COX7B2: variants seen among roughly 807,000 people sequenced by gnomAD.
The protein encoded by COX7B2 is cytochrome c oxidase subunit 7B2, mitochondrial.
For synonymous variants in COX7B2, 37 were observed against 32.1 expected (o/e 1.15, Z -0.51); for missense variants, 109 against 95.9 (o/e 1.14, Z -0.57).
chr4:46,808,170 CTATT>C (rs1719100852), intron 2 of COX7B2, among the ~76,000 whole-genome samples: 1 of 151,762 alleles, frequency 6.6e-6, no homozygotes, highest in Non-Finnish European at 1.5e-5. Flanking sequence ...AGGTACATTT[CTATT>C]TATTTGTGTC....
chr4:46,757,956 G>A (rs1355115934), intron 2 of COX7B2, among the ~76,000 whole-genome samples: 1 of 152,114 alleles, frequency 6.6e-6, no homozygotes, highest in African/African-American at 2.4e-5. Context: ...GTCAGCAGGA[G>A]AGCATAATGC....
Position 46,882,578 on chromosome 4 carries a change from T to G in COX7B2, c.-105+26582A>C, listed in dbSNP as rs116468569. Among the ~76,000 whole-genome samples the G allele has an allele frequency of 5.0e-3, 767 of 152,294 alleles. 3 individuals are homozygous for G. The highest frequency in any genetic ancestry group is 0.017 in the African/African-American group (713 of 41,568). On this transcript the variant is annotated intron_variant, in intron 1 of 2. Coordinates refer to ENST00000355591, the MANE Select transcript of COX7B2 (RefSeq NM_130902.3). Reference sequence around the variant, plus strand: ...TCTTTGTCTTTTTTATTTTGGTTGGTTTGAAATCTGGTTTGTCCAAAGTTA... The same window carrying G: ...TCTTTGTCTTTTTTATTTTGGTTGGGTTGAAATCTGGTTTGTCCAAAGTTA...
At chr4:46,782,546 G>A (rs535072947) in intron 2 of COX7B2, among the ~76,000 whole-genome samples, 8 of 152,266 alleles carry the variant, frequency 5.3e-5, no homozygotes, top group African/African-American at 1.7e-4. Flanking sequence ...AATAAAAGCA[G>A]GCTGCCCAAG....
chr4:46,835,839 TACTAC>T (rs1043869709), intron 2 of COX7B2, among the ~76,000 whole-genome samples: 19 of 152,296 alleles, frequency 1.2e-4, no homozygotes, highest in African/African-American at 4.6e-4. Context: ...TCATACAGCC[TACTAC>T]ACATCTAGGC....
chr4:46,755,328 A>G (rs1013220624), intron 2 of COX7B2, among the ~76,000 whole-genome samples: 1 of 152,100 alleles, frequency 6.6e-6, no homozygotes, highest in Admixed American at 6.6e-5. Flanking sequence ...ACTCACAGCC[A>G]ACATCATGCT....
intron 2 of COX7B2, among the ~76,000 whole-genome samples, chr4:46,842,626 C>T (rs1716009086): frequency 6.6e-6 from 1 of 151,804 alleles, no homozygotes; most frequent in Non-Finnish European, 1.5e-5. Flanking sequence ...TATTCAATTC[C>T]CACCTATGAG....
intron 1 of COX7B2, among the ~76,000 whole-genome samples, chr4:46,862,213 T>C (rs1211281997): frequency 6.6e-6 from 1 of 152,214 alleles, no homozygotes; most frequent in African/African-American, 2.4e-5. Context: ...AAAACTGTAA[T>C]AAAAACTACT....
chr4:46,785,210 A>G (rs1050133643), intron 2 of COX7B2, among the ~76,000 whole-genome samples: 4 of 152,184 alleles, frequency 2.6e-5, no homozygotes, highest in African/African-American at 9.7e-5. Context: ...CTACTCTCAC[A>G]TGAATATTGA....
At chr4:46,823,939 A>G (rs1714492122) in intron 2 of COX7B2, among the ~76,000 whole-genome samples, 1 of 152,032 alleles carries the variant, frequency 6.6e-6, no homozygotes, top group African/African-American at 2.4e-5. Context: ...GGATACCACA[A>G]ATACCCAAAA....
At chr4:46,811,661 G>A (rs1014899550) in intron 2 of COX7B2, among the ~76,000 whole-genome samples, 1 of 152,082 alleles carries the variant, frequency 6.6e-6, no homozygotes, top group African/African-American at 2.4e-5. Context: ...TCAGTTACTG[G>A]AGAATTATTG....
chr4:46,859,313 C>T (rs1394199098), intron 1 of COX7B2, among the ~76,000 whole-genome samples: 2 of 152,070 alleles, frequency 1.3e-5, no homozygotes, highest in Non-Finnish European at 2.9e-5. Flanking sequence ...CTCAACTGCT[C>T]TCTACACTCC....
At chr4:46,822,792 T>A (rs1188107363) in intron 2 of COX7B2, among the ~76,000 whole-genome samples, 1 of 152,158 alleles carries the variant, frequency 6.6e-6, no homozygotes, top group East Asian at 1.9e-4. Context: ...TAGACATAAA[T>A]TATTAGATAA....
chr4:46,894,665 G>A (rs1209080452), intron 1 of COX7B2, among the ~76,000 whole-genome samples: 1 of 152,106 alleles, frequency 6.6e-6, no homozygotes, highest in Non-Finnish European at 1.5e-5. Context: ...AAGAGCTTCT[G>A]CCCAGCAAAA....
chr4:46,738,246 A>C (rs1342574667), intron 2 of COX7B2, among the ~76,000 whole-genome samples: 1 of 152,090 alleles, frequency 6.6e-6, no homozygotes, highest in Admixed American at 6.6e-5. Flanking sequence ...TCTTATACTC[A>C]TGATGTTACA....
chr4:46,785,983 G>T (rs535471736), intron 2 of COX7B2, among the ~76,000 whole-genome samples: 39 of 152,194 alleles, frequency 2.6e-4, no homozygotes, highest in African/African-American at 8.2e-4. Context: ...CAAAGTGACT[G>T]ATACAGTTAA....
chr4:46,835,669 G>A (rs1715466202), intron 2 of COX7B2, among the ~76,000 whole-genome samples: 1 of 152,114 alleles, frequency 6.6e-6, no homozygotes, highest in African/African-American at 2.4e-5. Context: ...TTATTTCTTA[G>A]AGCCACAAGC....
chr4:46,839,676 C>T (rs1044606933), intron 2 of COX7B2, among the ~76,000 whole-genome samples: 6 of 152,032 alleles, frequency 3.9e-5, no homozygotes, highest in African/African-American at 1.4e-4. Flanking sequence ...AATTCTCAGG[C>T]TTTTCTACGT....
Position 46,905,787 on chromosome 4 carries a change from C to T in COX7B2, c.-105+3373G>A, listed in dbSNP as rs115280929. 6.1e-3 allele frequency among the ~76,000 whole-genome samples: 922 copies of T among 150,202 alleles called. 11 individuals carry two copies. Among genetic ancestry groups the T allele is most frequent in the African/African-American group, 0.021 (871 of 40,744 alleles). On this transcript the variant is annotated intron_variant, in intron 1 of 2. Transcript: ENST00000355591. The stretch of plus-strand genomic sequence containing the variant: ...GTGGACTCTATCTTACAAAACAGAG[C>T]CTACCATCTCTGATAAGCATATATT...
At chr4:46,900,231 A>T (rs1720000567) in intron 1 of COX7B2, among the ~76,000 whole-genome samples, 1 of 152,156 alleles carries the variant, frequency 6.6e-6, no homozygotes, top group Non-Finnish European at 1.5e-5. Context: ...CAGGGCTTGG[A>T]GACATCTCTA....
Sources: allele counts gnomAD v4.1 joint callset (sites outside exome capture counted in the v4.1 genomes callset), GRCh38; gene constraint gnomAD v4.1.1; transcripts MANE v1.5; gene names NCBI Gene and HGNC (gene_info 2026-07-23, HGNC 2026-07-21).